The following ZNF276 variants were observed in gnomAD, a reference collection of about 807,000 sequenced individuals.
ZNF276 encodes zinc finger protein 276.
A neutral mutation model predicts 63.9 loss-of-function variants in ZNF276; 59 were observed. That is an observed-to-expected ratio of 0.92 (90% CI 0.75 to 1.15). ZNF276 has a LOEUF of 1.15. Ranked by LOEUF, ZNF276 falls within the 50% of genes most tolerant of loss-of-function variation. The pLI is 0.00. For synonymous variants in ZNF276, 496 were observed against 348.4 expected, an observed-to-expected ratio of 1.42 and a Z score of -4.72; for missense variants, 1,084 against 843.8, an observed-to-expected ratio of 1.28 and a Z score of -3.53.
rs768488635 is a variant in ZNF276 at position 89,723,361 on chromosome 16, C to T, written c.658C>T (p.Leu220=). 1.1e-5 allele frequency: 17 copies of T among 1,612,908 alleles called. No individual in the cohort carries two copies. Among genetic ancestry groups the T allele is most frequent in the South Asian group, 4.4e-5 (4 of 91,092 alleles). ...CGALPHLQRT[L]SSEYCGVIQV... ...GGCCCTGCCCCACCTTCAGAGGACA[C>T]TGTCCTCCGAGTACTGCGGCGTCAT... Residue 220 remains leucine (L), a synonymous_variant, in exon 4 of 11, where the codon CTG becomes TTG. Coordinates refer to ENST00000443381, the MANE Select transcript of ZNF276 (RefSeq NM_001113525.2).
At chr16:89,737,750 C>G (rs886052478) in intron 9 of ZNF276, 56 bp from the exon 10 acceptor site, 6 of 1,607,306 alleles carry the variant, frequency 3.7e-6, no homozygotes, top group Non-Finnish European at 5.1e-6. Flanking sequence ...TCATCGTCGT[C>G]CCCCCGGGAG....
rs1467835993 is a variant in ZNF276, at chr16:89,723,766, G to A, written c.1006+57G>A. ...GGATGTGTGCTCCTCAGTGGGGCAG[G>A]GTTTTCAGCAGAAAGTGAATGTCTC... is the stretch of plus-strand genomic sequence containing the variant. On this transcript the variant is annotated intron_variant, in intron 4 of 10. Coordinates refer to ENST00000443381, the MANE Select transcript of ZNF276 (RefSeq NM_001113525.2). 4 of 1,512,116 alleles carry A rather than the reference G, an allele frequency of 2.6e-6. No individual in the cohort carries two copies. In the East Asian group the frequency reaches 9.4e-5, roughly 35 times the overall value. 93.7% of individuals were successfully genotyped at this position (1,512,116 alleles called of 1,614,324 possible).
chr16:89,737,923 C>T lies in ZNF276; in HGVS notation c.1574+18C>T. ...CCTTTGCAGTAAGTGTGAGTCAGGA[C>T]CCCCTCCCAGGGCTGTGGCCCTCGC... On this transcript the variant is annotated intron_variant, in intron 10 of 10. Transcript: ENST00000443381. 2.6e-6 allele frequency: 4 copies of T among 1,562,122 alleles called. No individual in the cohort carries two copies. The highest frequency in any genetic ancestry group is 1.1e-5 in the South Asian group (1 of 89,034).
intron 9 of ZNF276, among the ~76,000 whole-genome samples, chr16:89,737,027 T>C (rs1228534946): frequency 1.3e-5 from 2 of 152,176 alleles, no homozygotes; most frequent in African/African-American, 2.4e-5. Flanking sequence ...TGAGTGGGTC[T>C]GCATGTCCAC....
At chr16:89,730,736 G>A (rs1272331972) in intron 6 of ZNF276, among the ~76,000 whole-genome samples, 1 of 152,154 alleles carries the variant, frequency 6.6e-6, no homozygotes, top group Non-Finnish European at 1.5e-5. Context: ...AGGGGCACTT[G>A]GTTCCCCAGC....
chr16:89,734,758 G>A (rs542010077), intron 9 of ZNF276, among the ~76,000 whole-genome samples: 73 of 152,156 alleles, frequency 4.8e-4, no homozygotes, highest in African/African-American at 1.5e-3. Flanking sequence ...GACCGGAGGC[G>A]GATGGGGGAA....
chr16:89,720,832 C>T (rs1022554296), upstream of ZNF276: 1 of 1,441,232 alleles, frequency 6.9e-7, no homozygotes, highest in Non-Finnish European at 9.2e-7. Flanking sequence ...GCAGCGGCTT[C>T]ACCGTGCCGT....
chr16:89,726,933 C>T lies in ZNF276; in HGVS notation c.1007-346C>T, dbSNP rs142069366. Among the ~76,000 whole-genome samples, 42 of 152,330 alleles carry T rather than the reference C, an allele frequency of 2.8e-4. No individual in the cohort carries two copies. In the East Asian group the frequency reaches 6.0e-3, roughly 22 times the overall value. On this transcript the variant is annotated intron_variant, in intron 4 of 10. Transcript: ENST00000443381. Reference sequence around the variant, plus strand: ...TGCTGGGATTACAGACATGAGCCACCGTGCCTGGCCTAGTAATTTTTTAAA... The same window carrying T: ...TGCTGGGATTACAGACATGAGCCACTGTGCCTGGCCTAGTAATTTTTTAAA...
intron 9 of ZNF276, chr16:89,737,507 C>G (rs535193484): frequency 7.5e-6 from 3 of 398,574 alleles, no homozygotes; most frequent in African/African-American, 2.1e-5. Flanking sequence ...GGTAACAGAG[C>G]GAAACTCCAT....
chr16:89,728,170 G>A (rs976826159), intron 5 of ZNF276, among the ~76,000 whole-genome samples: 5 of 150,822 alleles, frequency 3.3e-5, no homozygotes, highest in South Asian at 2.1e-4. Context: ...ACACAAAACC[G>A]CAGCTGAGGT....
chr16:89,734,349 G>A (rs771584903), intron 9 of ZNF276, among the ~76,000 whole-genome samples: 11 of 152,008 alleles, frequency 7.2e-5, no homozygotes, highest in East Asian at 3.9e-4. Context: ...TTTTTGAGAC[G>A]GAGTCCTGCT....
At chr16:89,737,622 G>A (rs946451720) in intron 9 of ZNF276, 184 bp from the exon 10 acceptor site, 2 of 1,158,146 alleles carry the variant, frequency 1.7e-6, no homozygotes, top group African/African-American at 3.1e-5. Context: ...CCACGTGACA[G>A]TGTATAAAGC....
intron 9 of ZNF276, 87 bp downstream of exon 9, chr16:89,734,125 C>A (rs1009609936): frequency 7.0e-6 from 9 of 1,289,452 alleles, no homozygotes; most frequent in African/African-American, 1.5e-5. Context: ...CATCCCCGCC[C>A]CAAGAGTTGG....
At chr16:89,726,726 A>G (rs1383496110) in intron 4 of ZNF276, among the ~76,000 whole-genome samples, 12 of 151,804 alleles carry the variant, frequency 7.9e-5, no homozygotes, top group Admixed American at 7.9e-4. Flanking sequence ...GCTCACTGCA[A>G]TGTCTGCCTC....
At chr16:89,733,074 CCT>C (rs1320256471) in intron 6 of ZNF276, 11 of 556,024 alleles carry the variant, frequency 2.0e-5, no homozygotes, top group East Asian at 3.2e-5. Flanking sequence ...TGTGTTCACC[CCT>C]GACCCTGCTG....
chr16:89,723,833 C>A, intron 4 of ZNF276, 124 bp downstream of exon 4: 1 of 1,109,638 alleles, frequency 9.0e-7, no homozygotes, highest in Non-Finnish European at 1.3e-6. Flanking sequence ...TGAGAAGGAG[C>A]AGAGCTTGGG....
In ZNF276 at chr16:89,739,090, T is replaced by G. The variant is rs377636161; in HGVS notation, c.*844T>G. On this transcript the variant is annotated 3_prime_UTR_variant, in exon 11 of 11. Transcript: ENST00000443381. ...TTCTTTGGCAGAAGGAGCCTCCGGCTGGGGGGAGCTCCCCTGGAGGTGGGA... is the reference window on the plus strand; with the variant it reads ...TTCTTTGGCAGAAGGAGCCTCCGGCGGGGGGGAGCTCCCCTGGAGGTGGGA... 1.5e-5 allele frequency: 25 copies of G among 1,613,750 alleles called. No homozygotes were observed. In the Admixed American group the frequency reaches 2.3e-4, roughly 15 times the overall value.
At chr16:89,720,849 C>T (rs1163105413), upstream of ZNF276, 2 of 1,420,834 alleles carry the variant, frequency 1.4e-6, no homozygotes, top group Non-Finnish European at 9.2e-7. Flanking sequence ...CCGTCCCCGG[C>T]CGCAGCGGCC....
In ZNF276 at chr16:89,740,126, A is replaced by C; in HGVS notation, c.*1880A>C. The C allele has an allele frequency of 6.3e-7, 1 of 1,589,918 alleles. No homozygotes were observed. Among genetic ancestry groups the C allele is most frequent in the South Asian group, 1.1e-5 (1 of 90,532 alleles). ...TGTAAACCGCAGGAGACCAACCCTG[A>C]GAATGGCCGACCTGGTGCTCCCATG... On this transcript the variant is annotated 3_prime_UTR_variant, in exon 11 of 11. Transcript: ENST00000443381.
Sources: gnomAD v4.1 joint callset for allele counts (sites outside exome capture counted in the v4.1 genomes callset) on GRCh38, gnomAD v4.1.1 for gene constraint, MANE v1.5 for transcripts, NCBI Gene and HGNC (gene_info 2026-07-23, HGNC 2026-07-21) for gene names.